The following DTNB variants were observed in gnomAD, a reference collection of about 807,000 sequenced individuals.
The protein encoded by DTNB is DTN-B.
Under a neutral mutation model 90.7 loss-of-function variants are expected in DTNB, and 63 were observed. That is an observed-to-expected ratio of 0.69 (90% CI 0.57 to 0.86). DTNB has a LOEUF of 0.86. Among genes scored for constraint, DTNB ranks in the 40% least tolerant of loss-of-function variants. The probability of loss-of-function intolerance (pLI) is 0.00; values close to 1 mark genes in which losing one functional copy is unlikely to be tolerated. For missense variants in DTNB, 744 were observed against 807.1 expected (o/e 0.92, Z 0.95); for synonymous variants, 277 against 286.7 (o/e 0.97, Z 0.34).
At chr2:25,639,330 A>T (rs1416932510) in intron 2 of DTNB, 2 of 372,284 alleles carry the variant, frequency 5.4e-6, no homozygotes, top group Admixed American at 4.1e-5. Flanking sequence ...TCATCGGAGA[A>T]AACTCCAGGG....
chr2:25,569,508 C>G (rs1405095232), intron 8 of DTNB, among the ~76,000 whole-genome samples: 1 of 152,144 alleles, frequency 6.6e-6, no homozygotes, highest in Non-Finnish European at 1.5e-5. Flanking sequence ...AATGAACATG[C>G]CTAGATCAAC....
At chr2:25,640,389 G>C (rs749313117) in intron 2 of DTNB, among the ~76,000 whole-genome samples, 17 of 152,016 alleles carry the variant, frequency 1.1e-4, no homozygotes, top group Non-Finnish European at 2.2e-4. Context: ...GTATGGAGGC[G>C]GGGGGTGGAG....
At chr2:25,575,617 C>A (rs539585462) in intron 8 of DTNB, among the ~76,000 whole-genome samples, 1 of 151,824 alleles carries the variant, frequency 6.6e-6, no homozygotes, top group East Asian at 1.9e-4. Flanking sequence ...TTCTTTAATT[C>A]CTGAAGTGAG....
chr2:25,462,050 C>T (rs2061033733), intron 10 of DTNB, among the ~76,000 whole-genome samples: 1 of 152,184 alleles, frequency 6.6e-6, no homozygotes, highest in South Asian at 2.1e-4. Flanking sequence ...GAGTCTAAAG[C>T]AGCATTTCTA....
chr2:25,553,601 G>T (rs887827404), intron 8 of DTNB, among the ~76,000 whole-genome samples: 1 of 151,880 alleles, frequency 6.6e-6, no homozygotes, highest in African/African-American at 2.4e-5. Flanking sequence ...TTAGCCGGGT[G>T]TGGTGGCAGG....
At chr2:25,411,614 G>A (rs1294111387) in intron 16 of DTNB, among the ~76,000 whole-genome samples, 2 of 152,078 alleles carry the variant, frequency 1.3e-5, no homozygotes, top group African/African-American at 2.4e-5. Flanking sequence ...ATAGCACAGC[G>A]ATCCTCATTT....
At chr2:25,667,177 G>A (rs1172751797) in intron 1 of DTNB, among the ~76,000 whole-genome samples, 2 of 151,336 alleles carry the variant, frequency 1.3e-5, no homozygotes, top group African/African-American at 2.4e-5. Context: ...AAAATCAAAA[G>A]CACTCACTCT....
rs369235908 is a variant in DTNB at position 25,419,509 on chromosome 2, A to G, written c.1575+6T>C. The G allele has an allele frequency of 2.0e-5, 31 of 1,558,748 alleles. No homozygotes were observed. Among genetic ancestry groups the G allele is most frequent in the South Asian group, 1.2e-5 (1 of 84,350 alleles). On this transcript the variant is annotated splice_donor_region_variant and intron_variant, in intron 16 of 20. Coordinates refer to ENST00000406818, the MANE Select transcript of DTNB (RefSeq NM_021907.5). ...AGTCCGGCGGGAAATTCCGAAGTTC[A>G]CTTACTGCCTGCTTTTGCTCTTCCT...
chr2:25,452,969 C>G (rs2059495090), intron 11 of DTNB, among the ~76,000 whole-genome samples: 1 of 151,460 alleles, frequency 6.6e-6, no homozygotes, highest in African/African-American at 2.4e-5. Context: ...GGTCAAGGCC[C>G]CAAGGTGAGA....
At chr2:25,626,511 G>A (rs1010817887) in intron 4 of DTNB, among the ~76,000 whole-genome samples, 1 of 152,134 alleles carries the variant, frequency 6.6e-6, no homozygotes, top group African/African-American at 2.4e-5. Context: ...CACCTGTAAT[G>A]CCAGCTACTA....
intron 20 of DTNB, among the ~76,000 whole-genome samples, chr2:25,378,946 G>C (rs767390922): frequency 9.9e-5 from 15 of 152,180 alleles, no homozygotes; most frequent in Non-Finnish European, 2.2e-4. Context: ...TGTGGGAAAG[G>C]AGCATGGGAG....
chr2:25,529,147 T>C (rs1575426627), intron 9 of DTNB, among the ~76,000 whole-genome samples: 1 of 152,174 alleles, frequency 6.6e-6, no homozygotes, highest in South Asian at 2.1e-4. Flanking sequence ...GATATTGGCA[T>C]AGGGATGGAC....
intron 8 of DTNB, among the ~76,000 whole-genome samples, chr2:25,544,974 G>C (rs1344610516): frequency 2.0e-5 from 3 of 152,036 alleles, no homozygotes. Context: ...CTTTGCTCTT[G>C]AATAGATTAG....
At chr2:25,567,244 G>A (rs1346087535) in intron 8 of DTNB, among the ~76,000 whole-genome samples, 4 of 152,194 alleles carry the variant, frequency 2.6e-5, no homozygotes, top group African/African-American at 9.7e-5. Flanking sequence ...TCAGGAGCAT[G>A]CTCAGTAAGC....
At chr2:25,417,591 C>G (rs536043747) in intron 16 of DTNB, among the ~76,000 whole-genome samples, 1 of 152,120 alleles carries the variant, frequency 6.6e-6, no homozygotes, top group African/African-American at 2.4e-5. Context: ...AGCTGGCACA[C>G]GCAGAGAGAG....
rs186086985 is a variant in DTNB at position 25,602,086 on chromosome 2, C to T, written c.448+5150G>A. On this transcript the variant is annotated intron_variant, in intron 5 of 20. Transcript: ENST00000406818. ...GCGGTGAGCCGAGATCACACCACTG[C>T]ACTCCAGCCTGGGCAACAGAGCAAG... Among the ~76,000 whole-genome samples, 712 of 152,116 alleles carry T rather than the reference C, an allele frequency of 4.7e-3. 7 individuals carry two copies. Among genetic ancestry groups the T allele is most frequent in the African/African-American group, 0.017 (691 of 41,486 alleles).
chr2:25,640,127 G>A (rs2148840006), intron 2 of DTNB, among the ~76,000 whole-genome samples: 1 of 152,300 alleles, frequency 6.6e-6, no homozygotes. Context: ...TATGGCCAGA[G>A]TAACTAGAAC....
intron 8 of DTNB, among the ~76,000 whole-genome samples, chr2:25,542,100 T>A (rs2081387576): frequency 6.6e-6 from 1 of 152,180 alleles, no homozygotes; most frequent in African/African-American, 2.4e-5. Context: ...GTGTGTTTAG[T>A]CAATAGATGT....
At chr2:25,488,284 A>C (rs1183900894) in intron 9 of DTNB, among the ~76,000 whole-genome samples, 2 of 152,166 alleles carry the variant, frequency 1.3e-5, no homozygotes, top group East Asian at 1.9e-4. Flanking sequence ...AAAACCAGTA[A>C]GAGAGGGTGA....
Sources: gnomAD v4.1 joint callset for allele counts (sites outside exome capture counted in the v4.1 genomes callset) on GRCh38, gnomAD v4.1.1 for gene constraint, MANE v1.5 for transcripts, NCBI Gene and HGNC (gene_info 2026-07-23, HGNC 2026-07-21) for gene names.